FLI1: variants seen among roughly 807,000 people sequenced by gnomAD.
FLI1 encodes the protein Friend leukemia integration 1 transcription factor.
A neutral mutation model predicts 53.1 loss-of-function variants in FLI1; 13 were observed. The ratio of observed to expected loss-of-function variants is 0.24; its 90% CI spans 0.16 to 0.39. The LOEUF (loss-of-function observed/expected upper bound fraction) is 0.39, where lower values mean the gene tolerates loss of function less well. FLI1 is among the 10% of genes least tolerant of loss of function. The pLI, the probability that FLI1 is intolerant of heterozygous loss-of-function variation, is 1.00. For missense variants in FLI1, 424 were observed against 600.5 expected (o/e 0.71, Z 3.07); for synonymous variants, 244 against 236.7 (o/e 1.03, Z -0.28).
chr11:128,687,672 T>C (rs1937603489), intron 1 of FLI1, among the ~76,000 whole-genome samples: 1 of 152,012 alleles, frequency 6.6e-6, no homozygotes, highest in South Asian at 2.1e-4. Flanking sequence ...TCCCTGGCCC[T>C]GTGTGATGGG....
chr11:128,803,176 T>C (rs894309273), intron 5 of FLI1, among the ~76,000 whole-genome samples: 27 of 152,210 alleles, frequency 1.8e-4, no homozygotes, highest in Non-Finnish European at 5.9e-5. Flanking sequence ...TCTCTTCTAC[T>C]TTCTGTTCTG....
chr11:128,812,220 A>G lies in FLI1; in HGVS notation c.*1232A>G, dbSNP rs1325564067. On this transcript the variant is annotated 3_prime_UTR_variant, in exon 9 of 9. Transcript: ENST00000527786. ...GTACTGCAATAATCACAGCTCTGGG[A>G]AAAACAACGAAACTTTCCCTTGTGG... 4.6e-6 allele frequency: 1 copy of G among 218,784 alleles called. No homozygotes were observed. The highest frequency in any genetic ancestry group is 2.2e-5 in the African/African-American group (1 of 44,500). 13.6% of individuals were successfully genotyped at this position (218,784 alleles called of 1,614,324 possible).
intron 1 of FLI1, among the ~76,000 whole-genome samples, chr11:128,713,910 C>T (rs1422393215): frequency 6.6e-6 from 1 of 152,078 alleles, no homozygotes; most frequent in Non-Finnish European, 1.5e-5. Context: ...AACCATAGTC[C>T]CCCCAGGCAT....
chr11:128,726,969 G>T (rs1198399518), intron 1 of FLI1, among the ~76,000 whole-genome samples: 1 of 152,108 alleles, frequency 6.6e-6, no homozygotes, highest in African/African-American at 2.4e-5. Flanking sequence ...GCAGGGGAGG[G>T]TGCTGTGTCT....
intron 1 of FLI1, chr11:128,748,367 G>T (rs1001573369): frequency 1.8e-6 from 1 of 541,490 alleles, no homozygotes; most frequent in Non-Finnish European, 2.4e-6. Flanking sequence ...CCGGGGTCCA[G>T]GCACGGTGGC....
Position 128,776,977 on chromosome 11 carries a change from T to C in FLI1, c.589+3992T>C, listed in dbSNP as rs540057203. 4.6e-5 allele frequency among the ~76,000 whole-genome samples: 7 copies of C among 152,276 alleles called. No individual in the cohort carries two copies. In the East Asian group the frequency reaches 1.4e-3, roughly 29 times the overall value. The stretch of plus-strand genomic sequence containing the variant: ...CAAGAGATAAATGCTTTCCAAAAAC[T>C]TTCCTGTGGCCTCCTGGAAGGAGGC... On this transcript the variant is annotated intron_variant, in intron 4 of 8. Transcript: ENST00000527786.
chr11:128,689,646 G>A (rs537917014), upstream of FLI1, among the ~76,000 whole-genome samples: 110 of 152,292 alleles, frequency 7.2e-4, 1 homozygote, highest in African/African-American at 2.6e-3. Flanking sequence ...GGGAGGAGGG[G>A]GTGTGATGGA....
intron 1 of FLI1, among the ~76,000 whole-genome samples, chr11:128,705,827 A>T (rs993171415): frequency 1.3e-5 from 2 of 152,178 alleles, no homozygotes; most frequent in Non-Finnish European, 2.9e-5. Flanking sequence ...TTGGGAGCAA[A>T]CACAATTTAG....
intron 1 of FLI1, among the ~76,000 whole-genome samples, chr11:128,740,334 T>C (rs1466649412): frequency 1.3e-5 from 2 of 152,242 alleles, no homozygotes; most frequent in Non-Finnish European, 2.9e-5. Context: ...TTTCTATCTA[T>C]TCACTTCTTC....
At chr11:128,686,298 C>T (rs1033671293), upstream of FLI1, 8 of 455,336 alleles carry the variant, frequency 1.8e-5, no homozygotes, top group East Asian at 2.8e-4. Flanking sequence ...GAACAAGCTG[C>T]GGGCATCCCC....
chr11:128,688,338 T>A (rs1178683370), intron 1 of FLI1, among the ~76,000 whole-genome samples: 1 of 152,224 alleles, frequency 6.6e-6, no homozygotes, highest in Non-Finnish European at 1.5e-5. Flanking sequence ...GGAGCTCTTT[T>A]CAAGGTGGAA....
At chr11:128,711,144 C>T (rs1457235545) in intron 1 of FLI1, among the ~76,000 whole-genome samples, 2 of 152,088 alleles carry the variant, frequency 1.3e-5, no homozygotes, top group Non-Finnish European at 2.9e-5. Context: ...AAATTGTGTT[C>T]TTTTTTCATT....
chr11:128,717,719 T>C (rs1319168907), intron 1 of FLI1, among the ~76,000 whole-genome samples: 1 of 152,240 alleles, frequency 6.6e-6, no homozygotes, highest in Non-Finnish European at 1.5e-5. Context: ...ACATCCACTT[T>C]GCACCTAGTT....
At chr11:128,809,085 T>C in intron 7 of FLI1, 72 bp from the exon 8 acceptor site, 2 of 1,250,150 alleles carry the variant, frequency 1.6e-6, no homozygotes, top group Non-Finnish European at 2.3e-6. Context: ...ACCCTTATGG[T>C]TTTCTTATGG....
chr11:128,733,187 T>C (rs201458495), intron 1 of FLI1, among the ~76,000 whole-genome samples: 1 of 145,398 alleles, frequency 6.9e-6, no homozygotes, highest in African/African-American at 2.6e-5. Flanking sequence ...TTTTTTTTTT[T>C]CACTGAGTAC....
intron 1 of FLI1, among the ~76,000 whole-genome samples, chr11:128,745,337 C>T (rs567211494): frequency 1.4e-4 from 21 of 152,226 alleles, no homozygotes; most frequent in African/African-American, 4.8e-4. Flanking sequence ...ACGGCCCTGG[C>T]TGCCGAGCTC....
At chr11:128,757,257 T>C (rs1433082164) in intron 1 of FLI1, among the ~76,000 whole-genome samples, 1 of 152,018 alleles carries the variant, frequency 6.6e-6, no homozygotes, top group Non-Finnish European at 1.5e-5. Flanking sequence ...AAGGCTTCTT[T>C]TCTTAATCCA....
intron 4 of FLI1, among the ~76,000 whole-genome samples, chr11:128,778,370 G>T (rs578057144): frequency 6.6e-6 from 1 of 152,114 alleles, no homozygotes; most frequent in Admixed American, 6.5e-5. Context: ...CCCCACAACC[G>T]CTTCCTCCAC....
At chr11:128,722,396 T>C (rs1391477340) in intron 1 of FLI1, among the ~76,000 whole-genome samples, 4 of 152,162 alleles carry the variant, frequency 2.6e-5, no homozygotes, top group Non-Finnish European at 4.4e-5. Context: ...AGCCTGGAGA[T>C]GCCAGTTTGG....
Sources: gnomAD v4.1 joint callset for allele counts (sites outside exome capture counted in the v4.1 genomes callset) on GRCh38, gnomAD v4.1.1 for gene constraint, MANE v1.5 for transcripts, NCBI Gene and HGNC (gene_info 2026-07-23, HGNC 2026-07-21) for gene names.